The following SPOCK1 variants were observed in gnomAD, a reference collection of about 807,000 sequenced individuals.
SPOCK1 encodes the protein SPARC (osteonectin), cwcv and kazal like domains proteoglycan 1, also known as testican-1.
SPOCK1 carries 23 observed loss-of-function variants against 55.3 expected under a neutral mutation model. That is an observed-to-expected ratio of 0.42 (90% CI 0.30 to 0.59). The LOEUF (loss-of-function observed/expected upper bound fraction) is 0.59, where lower values mean the gene tolerates loss of function less well. Among genes scored for constraint, SPOCK1 ranks in the 20% least tolerant of loss-of-function variants. The pLI is 0.22. For missense variants in SPOCK1, 499 were observed against 552.5 expected, an observed-to-expected ratio of 0.90 and a Z score of 0.97; for synonymous variants, 226 against 221.0, an observed-to-expected ratio of 1.02 and a Z score of -0.20.
rs550002992 is a variant in SPOCK1, at chr5:137,411,306, G to T, written c.186+87067C>A. Among the ~76,000 whole-genome samples the T allele has an allele frequency of 2.6e-5, 4 of 152,106 alleles. No homozygotes were observed. In the South Asian group the frequency reaches 8.3e-4, roughly 31 times the overall value. The stretch of plus-strand genomic sequence containing the variant: ...ACCTAATTATCCACAGAATGAGGAC[G>T]GGTAGAGAGATGAGCAGTTACAAGC... On this transcript the variant is annotated intron_variant, in intron 2 of 10. Coordinates refer to ENST00000394945, the MANE Select transcript of SPOCK1 (RefSeq NM_004598.4).
intron 6 of SPOCK1, among the ~76,000 whole-genome samples, chr5:136,994,063 C>A (rs1047468010): frequency 5.3e-5 from 8 of 152,124 alleles, no homozygotes; most frequent in Non-Finnish European, 8.8e-5. Context: ...CTTTCCCCAC[C>A]CTCCATATTA....
At chr5:137,443,781 G>C (rs1357755522) in intron 2 of SPOCK1, among the ~76,000 whole-genome samples, 1 of 152,114 alleles carries the variant, frequency 6.6e-6, no homozygotes, top group East Asian at 1.9e-4. Context: ...GCTTTGCTCA[G>C]GCCTTTCTCT....
At chr5:137,329,502 A>C (rs1449793298) in intron 2 of SPOCK1, among the ~76,000 whole-genome samples, 1 of 152,178 alleles carries the variant, frequency 6.6e-6, no homozygotes, top group Admixed American at 6.5e-5. Context: ...CTTCATTAAC[A>C]GTAGAGATTT....
rs149248399 is a variant in SPOCK1, at chr5:137,030,926, T to C, written c.589+36789A>G. ...AAACTGATTCGAGGGGAGTTTGTGA[T>C]ATATCTTAAAGTCAGAAAAGTAGGT... On this transcript the variant is annotated intron_variant, in intron 6 of 10. Coordinates refer to ENST00000394945, the MANE Select transcript of SPOCK1 (RefSeq NM_004598.4). 3.7e-3 allele frequency among the ~76,000 whole-genome samples: 571 copies of C among 152,306 alleles called. 8 individuals are homozygous for C. Among genetic ancestry groups the C allele is most frequent in the African/African-American group, 0.013 (536 of 41,576 alleles).
intron 4 of SPOCK1, among the ~76,000 whole-genome samples, chr5:137,123,201 G>A (rs1753720049): frequency 6.6e-6 from 1 of 152,234 alleles, no homozygotes; most frequent in Non-Finnish European, 1.5e-5. Context: ...TGTTGGAGGA[G>A]AGGAGACGGA....
chr5:137,247,684 G>A (rs1052904470), intron 3 of SPOCK1, among the ~76,000 whole-genome samples: 6 of 152,174 alleles, frequency 3.9e-5, no homozygotes, highest in Admixed American at 3.3e-4. Context: ...TTTAGCTCAA[G>A]GTTCTACAGA....
chr5:136,983,762 A>AATTTGTAAGC (rs77853314), intron 9 of SPOCK1, among the ~76,000 whole-genome samples: 29,410 of 152,174 alleles, frequency 0.19, 3,680 homozygotes, highest in Non-Finnish European at 0.27. Context: ...CTACATAAAG[A>AATTTGTAAGC]ATTTGTAAGC....
intron 2 of SPOCK1, among the ~76,000 whole-genome samples, chr5:137,489,958 A>G (rs937692987): frequency 1.3e-5 from 2 of 152,226 alleles, no homozygotes; most frequent in African/African-American, 2.4e-5. Flanking sequence ...TTCTGAGAGC[A>G]TCGGTGCCTC....
At chr5:137,344,846 C>G (rs982465572) in intron 2 of SPOCK1, among the ~76,000 whole-genome samples, 2 of 152,194 alleles carry the variant, frequency 1.3e-5, no homozygotes, top group African/African-American at 4.8e-5. Flanking sequence ...GACTGTTCCC[C>G]ATTCCCCAAG....
chr5:137,193,155 T>C lies in SPOCK1; in HGVS notation c.233-52461A>G, dbSNP rs187582123. ...GGAAGGGGAAAGACTGGAAGAAGTA[T>C]ACCAATTAGGAGACTGCTGCAACTA... On this transcript the variant is annotated intron_variant, in intron 3 of 10. Coordinates refer to ENST00000394945, the MANE Select transcript of SPOCK1 (RefSeq NM_004598.4). Among the ~76,000 whole-genome samples, 22 of 152,264 alleles carry C rather than the reference T, an allele frequency of 1.4e-4. No homozygotes were observed. In the East Asian group the frequency reaches 4.1e-3, roughly 28 times the overall value.
At chr5:137,127,915 T>C (rs1329053083) in intron 4 of SPOCK1, among the ~76,000 whole-genome samples, 1 of 152,194 alleles carries the variant, frequency 6.6e-6, no homozygotes, top group African/African-American at 2.4e-5. Context: ...GCTATTGAGA[T>C]AGAATGAGTG....
At chr5:137,069,860 C>G (rs1752578637) in intron 5 of SPOCK1, among the ~76,000 whole-genome samples, 1 of 152,152 alleles carries the variant, frequency 6.6e-6, no homozygotes, top group Non-Finnish European at 1.5e-5. Flanking sequence ...AAAATTATTA[C>G]CTTTGTTTAT....
intron 4 of SPOCK1, among the ~76,000 whole-genome samples, chr5:137,134,101 G>A (rs781741405): frequency 6.6e-6 from 1 of 152,184 alleles, no homozygotes; most frequent in Non-Finnish European, 1.5e-5. Flanking sequence ...GACCTCCACT[G>A]TGGTTCTAAT....
At chr5:137,014,547 A>AT (rs1438687421) in intron 6 of SPOCK1, among the ~76,000 whole-genome samples, 1 of 152,150 alleles carries the variant, frequency 6.6e-6, no homozygotes, top group Non-Finnish European at 1.5e-5. Context: ...CTTAGACATA[A>AT]TTTACAAGCT....
rs115460345 is a variant in SPOCK1, at chr5:137,286,659, A to C, written c.187-19604T>G. ...GACTGCAGCCTAGAACAGCAAAGGG[A>C]GATAGAATAGAGTCTGAGTGTGTCA... is the stretch of plus-strand genomic sequence containing the variant. On this transcript the variant is annotated intron_variant, in intron 2 of 10. Coordinates refer to ENST00000394945, the MANE Select transcript of SPOCK1 (RefSeq NM_004598.4). Among the ~76,000 whole-genome samples the C allele has an allele frequency of 6.3e-3, 958 of 152,290 alleles. 4 individuals are homozygous for C. The highest frequency in any genetic ancestry group is 0.023 in the African/African-American group (939 of 41,560).
chr5:137,375,789 G>T, intron 2 of SPOCK1, among the ~76,000 whole-genome samples: 1 of 152,150 alleles, frequency 6.6e-6, no homozygotes, highest in East Asian at 1.9e-4. Context: ...AACAGAACCG[G>T]CTAATGGGAG....
At chr5:137,463,231 G>A (rs1259698000) in intron 2 of SPOCK1, among the ~76,000 whole-genome samples, 1 of 152,182 alleles carries the variant, frequency 6.6e-6, no homozygotes, top group East Asian at 1.9e-4. Flanking sequence ...ACACTCCCAT[G>A]TTTGTTGCAG....
intron 2 of SPOCK1, among the ~76,000 whole-genome samples, chr5:137,268,249 T>A (rs1277601208): frequency 1.3e-5 from 2 of 152,160 alleles, no homozygotes; most frequent in Non-Finnish European, 2.9e-5. Flanking sequence ...AATCAGAACA[T>A]ATTGTTTCTT....
intron 4 of SPOCK1, among the ~76,000 whole-genome samples, chr5:137,138,044 G>A (rs1161635758): frequency 6.6e-6 from 1 of 152,050 alleles, no homozygotes; most frequent in East Asian, 1.9e-4. Flanking sequence ...AGAATTACTA[G>A]AGGATGTGTT....
Sources: gnomAD v4.1 joint callset for allele counts (sites outside exome capture counted in the v4.1 genomes callset) on GRCh38, gnomAD v4.1.1 for gene constraint, MANE v1.5 for transcripts, NCBI Gene and HGNC (gene_info 2026-07-23, HGNC 2026-07-21) for gene names.